CDH6: variants seen among roughly 807,000 people sequenced by gnomAD.
The protein encoded by CDH6 is cadherin 6.
A neutral mutation model predicts 78.0 loss-of-function variants in CDH6; 31 were observed. The observed-to-expected ratio is 0.40, with a 90% confidence interval of 0.30 to 0.54. The LOEUF is 0.54. Among genes scored for constraint, CDH6 ranks in the 20% least tolerant of loss-of-function variants. The pLI is 0.56. For missense variants in CDH6, 724 were observed against 975.9 expected (o/e 0.74, Z 3.44); for synonymous variants, 376 against 368.8 (o/e 1.02, Z -0.23).
At chr5:31,244,414 T>C (rs1741688585) in intron 1 of CDH6, among the ~76,000 whole-genome samples, 1 of 152,172 alleles carries the variant, frequency 6.6e-6, no homozygotes, top group Admixed American at 6.5e-5. Flanking sequence ...AGCTGCTACC[T>C]TCCCATCTTA....
intron 11 of CDH6, chr5:31,318,968 C>G: frequency 4.6e-6 from 1 of 217,036 alleles, no homozygotes; most frequent in East Asian, 6.8e-5. Flanking sequence ...CTGCGATTCT[C>G]TTTGTCAACT....
At chr5:31,215,408 C>G (rs1486851482) in intron 1 of CDH6, among the ~76,000 whole-genome samples, 2 of 152,092 alleles carry the variant, frequency 1.3e-5, no homozygotes, top group African/African-American at 4.8e-5. Flanking sequence ...GAAGCCAATT[C>G]AGTTCTACCA....
At chr5:31,304,752 C>A (rs919651619) in intron 6 of CDH6, among the ~76,000 whole-genome samples, 4 of 150,600 alleles carry the variant, frequency 2.7e-5, no homozygotes, top group Non-Finnish European at 5.9e-5. Context: ...TGTGTATTTG[C>A]CAACTTGCCC....
rs187249190 is a variant in CDH6, at chr5:31,300,739, T to C, written c.811+1108T>C. ...CACTCTGCTCTGCTTAGATAGCCTG[T>C]GACTTGTTAATGAGCAATATGCCAA... On this transcript the variant is annotated intron_variant, in intron 5 of 11. Transcript: ENST00000265071. Among the ~76,000 whole-genome samples the C allele has an allele frequency of 7.2e-5, 11 of 152,320 alleles. No individual in the cohort carries two copies. The East Asian group carries it at 2.1e-3, about 29-fold the overall frequency.
chr5:31,265,712 C>T (rs557872318), intron 1 of CDH6, among the ~76,000 whole-genome samples: 163 of 151,208 alleles, frequency 1.1e-3, no homozygotes, highest in Non-Finnish European at 2.0e-3. Context: ...TATTATATTC[C>T]GAATTACAAA....
At position 31,227,879 on chromosome 5, in the gene CDH6, T is replaced by G. The variant is rs548271922; in HGVS notation, c.-129+33993T>G. On this transcript the variant is annotated intron_variant, in intron 1 of 11. Coordinates refer to ENST00000265071, the MANE Select transcript of CDH6 (RefSeq NM_004932.4). The stretch of plus-strand genomic sequence containing the variant: ...AAGACAAGGAACCAGTATTAGTTGC[T>G]TCTTGCTGCTGCAACGCACACCACA... 2.1e-4 allele frequency among the ~76,000 whole-genome samples: 32 copies of G among 152,326 alleles called. No individual in the cohort carries two copies. In the South Asian group the frequency reaches 5.8e-3, roughly 28 times the overall value.
intron 1 of CDH6, among the ~76,000 whole-genome samples, chr5:31,254,961 T>A (rs928816518): frequency 1.3e-5 from 2 of 152,212 alleles, no homozygotes; most frequent in Middle Eastern, 3.2e-3. Flanking sequence ...AAATTAGAAC[T>A]AAAAACTCAA....
In CDH6 at chr5:31,305,213, G is replaced by T; in HGVS notation, c.1039G>T (p.Val347Leu). 1.2e-6 allele frequency: 2 copies of T among 1,613,930 alleles called. No individual in the cohort carries two copies. The highest frequency in any genetic ancestry group is 1.7e-6 in the Non-Finnish European group (2 of 1,179,978). ...FEKKKVYTLK[V>L]EASNPYVEPR... Reference sequence around the variant, plus strand: ...AAAGAAGAAAGTGTATACCCTTAAAGTGGAAGCCTCCAATCCTTATGTTGA... The same window carrying T: ...AAAGAAGAAAGTGTATACCCTTAAATTGGAAGCCTCCAATCCTTATGTTGA... Residue 347 changes from valine (V) to leucine (L), a missense_variant, in exon 7 of 12, where the codon GTG becomes TTG. Around this residue, in one of 3 missense-constraint regions of CDH6, gnomAD observed 446 missense variants for 684.5 expected, o/e 0.65. Coordinates refer to ENST00000265071, the MANE Select transcript of CDH6 (RefSeq NM_004932.4).
chr5:31,251,312 C>T (rs1741901626), intron 1 of CDH6: 1 of 152,344 alleles, frequency 6.6e-6, no homozygotes, highest in South Asian at 2.1e-4. Context: ...TTCACTGCAT[C>T]CTGAAGAACC....
At chr5:31,196,870 C>T (rs961142336) in intron 1 of CDH6, among the ~76,000 whole-genome samples, 6 of 152,092 alleles carry the variant, frequency 3.9e-5, no homozygotes, top group African/African-American at 9.7e-5. Context: ...TTTTCCAAGA[C>T]TCTACTTCCT....
At chr5:31,226,364 G>A (rs1238857226) in intron 1 of CDH6, among the ~76,000 whole-genome samples, 4 of 152,010 alleles carry the variant, frequency 2.6e-5, no homozygotes, top group African/African-American at 4.8e-5. Context: ...TAATAGAGAC[G>A]AGGTTTCACC....
chr5:31,280,955 A>G (rs1742847736), intron 2 of CDH6, among the ~76,000 whole-genome samples: 1 of 151,976 alleles, frequency 6.6e-6, no homozygotes, highest in Admixed American at 6.6e-5. Context: ...TCCTAGAATC[A>G]TTTGCTATTA....
chr5:31,299,417 A>C (rs1434571341), intron 4 of CDH6, 47 bp from the exon 5 acceptor site: 2 of 1,455,988 alleles, frequency 1.4e-6, no homozygotes, highest in Admixed American at 1.7e-5. Context: ...GATTCCATAA[A>C]GTATTCTTAA....
At chr5:31,249,640 C>T (rs1741855562) in intron 1 of CDH6, 1 of 152,260 alleles carries the variant, frequency 6.6e-6, no homozygotes, top group African/African-American at 2.4e-5. Flanking sequence ...TGAAAAACCA[C>T]CTAGCAGCAT....
intron 2 of CDH6, among the ~76,000 whole-genome samples, chr5:31,282,435 C>T (rs1373247315): frequency 2.0e-5 from 3 of 151,936 alleles, no homozygotes; most frequent in Admixed American, 6.6e-5. Flanking sequence ...GTCCTTGGCT[C>T]CTATCATCAC....
rs1207649000 is a variant in CDH6 at position 31,323,347 on chromosome 5, A to G, written c.*39A>G. ...TCATTTTCCAATACGACACTGAAAT[A>G]TGTGAAGTGGCTATTTCTTTATATT... On this transcript the variant is annotated 3_prime_UTR_variant, in exon 12 of 12. Coordinates refer to ENST00000265071, the MANE Select transcript of CDH6 (RefSeq NM_004932.4). 20 of 1,578,656 alleles carry G rather than the reference A, an allele frequency of 1.3e-5. No individual in the cohort carries two copies. The highest frequency in any genetic ancestry group is 4.5e-5 in the East Asian group (2 of 44,340).
Position 31,326,607 on chromosome 5 carries a change from T to G in CDH6, c.*3299T>G, listed in dbSNP as rs115197888. 3,651 of 184,926 alleles carry G rather than the reference T, an allele frequency of 0.02. 145 individuals are homozygous for G. The highest frequency in any genetic ancestry group is 0.081 in the African/African-American group (3,456 of 42,626). 11.5% of individuals were successfully genotyped at this position (184,926 alleles called of 1,614,324 possible). On this transcript the variant is annotated 3_prime_UTR_variant, in exon 12 of 12. Coordinates refer to ENST00000265071, the MANE Select transcript of CDH6 (RefSeq NM_004932.4). ...ATGGAACAAAACCTGCCCATTTAAT[T>G]TTAACGCAGTATAAAAAACGTGTGG...
rs1423855377 is a variant in CDH6, at chr5:31,325,521, AT to A, written c.*2214del. ...TTACTGTAAAATTAAAGAGGTCTCT[AT>A]CTGTATGTTTCATGTCACGTAACAA... On this transcript the variant is annotated 3_prime_UTR_variant, in exon 12 of 12. Coordinates refer to ENST00000265071, the MANE Select transcript of CDH6 (RefSeq NM_004932.4). The A allele has an allele frequency of 4.3e-6, 1 of 230,968 alleles. No homozygotes were observed. Among genetic ancestry groups the A allele is most frequent in the Admixed American group, 5.6e-5 (1 of 17,708 alleles). The allele number at this position is 230,968 out of a possible 1,614,324, so 14.3% of individuals were successfully genotyped here.
intron 7 of CDH6, among the ~76,000 whole-genome samples, chr5:31,311,759 T>A (rs1289064715): frequency 6.6e-6 from 1 of 152,110 alleles, no homozygotes; most frequent in Non-Finnish European, 1.5e-5. Flanking sequence ...GAGAATTCAC[T>A]CACTATCACA....
Sources: gnomAD v4.1 joint callset for allele counts (sites outside exome capture counted in the v4.1 genomes callset) on GRCh38, gnomAD v4.1.1 for gene constraint, gnomAD v4.1.1 regional missense constraint, MANE v1.5 for transcripts, NCBI Gene and HGNC (gene_info 2026-07-23, HGNC 2026-07-21) for gene names.